Variants in ELL observed in about 807,000 individuals in gnomAD.
ELL encodes the protein RNA polymerase II elongation factor ELL.
Under a neutral mutation model 64.0 loss-of-function variants are expected in ELL, and 18 were observed. The ratio of observed to expected loss-of-function variants is 0.28; its 90% confidence interval spans 0.19 to 0.42. The LOEUF (loss-of-function observed/expected upper bound fraction) is 0.42, where lower values mean the gene tolerates loss of function less well. ELL is among the 10% of genes least tolerant of loss of function. ELL has a pLI of 1.00. For synonymous variants in ELL, 399 were observed against 376.2 expected (o/e 1.06, Z -0.70); for missense variants, 797 against 870.4 (o/e 0.92, Z 1.06).
intron 1 of ELL, among the ~76,000 whole-genome samples, chr19:18,517,546 C>T (rs1254812353): frequency 1.3e-5 from 2 of 151,934 alleles, no homozygotes; most frequent in African/African-American, 2.4e-5. Flanking sequence ...CCACCACGCC[C>T]GGCCATCCCA....
chr19:18,467,547 A>G (rs967631209), intron 2 of ELL, among the ~76,000 whole-genome samples: 6 of 151,920 alleles, frequency 3.9e-5, no homozygotes, highest in Non-Finnish European at 8.8e-5. Context: ...GCCTGCACTC[A>G]GCATCGGAGA....
chr19:18,454,251 G>T (rs552308567), intron 6 of ELL, among the ~76,000 whole-genome samples: 48 of 152,330 alleles, frequency 3.2e-4, no homozygotes, highest in African/African-American at 1.1e-3. Context: ...TGTAATCCCA[G>T]CACTTTGGGA....
At chr19:18,515,910 G>A (rs932347461) in intron 1 of ELL, among the ~76,000 whole-genome samples, 2 of 152,144 alleles carry the variant, frequency 1.3e-5, no homozygotes, top group Non-Finnish European at 2.9e-5. Flanking sequence ...CGTGAAGGGG[G>A]ACCATAAACT....
rs370735358 is a variant in ELL at position 18,462,335 on chromosome 19, C to CTGTGTGTGTGTGTGTGTG, written c.470-501_470-484dup. Among the ~76,000 whole-genome samples the CTGTGTGTGTGTGTGTGTG allele has an allele frequency of 1.7e-4, 11 of 64,994 alleles. 1 individual carries two copies. Among genetic ancestry groups the CTGTGTGTGTGTGTGTGTG allele is most frequent in the African/African-American group, 1.1e-3 (10 of 9,418 alleles). The allele number at this position is 64,994 out of a possible 152,430, so 42.6% of individuals were successfully genotyped here. A position where few individuals can be genotyped will look rare whatever the true frequency, so the allele number is the denominator to read the frequency against. ...GAAATCACCTGATCACTCTAGTGGG[C>CTGTGTGTGTGTGTGTGTG]TGTGTGTGTGTGTGTGTGTGTGTGT... On this transcript the variant is annotated intron_variant, in intron 4 of 11. Coordinates refer to ENST00000262809, the MANE Select transcript of ELL (RefSeq NM_006532.4).
At chr19:18,504,452 G>A (rs1975842879) in intron 1 of ELL, among the ~76,000 whole-genome samples, 1 of 152,140 alleles carries the variant, frequency 6.6e-6, no homozygotes, top group African/African-American at 2.4e-5. Flanking sequence ...AAATTGCCAT[G>A]TACATCTCAT....
In ELL at chr19:18,443,670, G is replaced by T. The variant is rs1004102392; in HGVS notation, c.*1082C>A. On this transcript the variant is annotated 3_prime_UTR_variant, in exon 12 of 12. Coordinates refer to ENST00000262809, the MANE Select transcript of ELL (RefSeq NM_006532.4). ...GCACAGCAACAGAGCAGCAATTGGG[G>T]TGTCTGCAGAGCCTGCACCCCCAGA... The T allele has an allele frequency of 1.3e-5, 3 of 233,240 alleles. No homozygotes were observed. Among genetic ancestry groups the T allele is most frequent in the Non-Finnish European group, 2.5e-5 (3 of 117,992 alleles). 14.4% of individuals were successfully genotyped at this position (233,240 alleles called of 1,614,324 possible).
chr19:18,487,598 G>A (rs867579143), intron 1 of ELL, among the ~76,000 whole-genome samples: 5 of 152,206 alleles, frequency 3.3e-5, no homozygotes, highest in Non-Finnish European at 7.3e-5. Context: ...GGAGGCCCCA[G>A]GCCAGATAAG....
chr19:18,519,714 G>A (rs935259871), intron 1 of ELL, among the ~76,000 whole-genome samples: 1 of 151,928 alleles, frequency 6.6e-6, no homozygotes, highest in African/African-American at 2.4e-5. Context: ...GGCTGAGGCA[G>A]GAGAATCGCT....
intron 2 of ELL, among the ~76,000 whole-genome samples, chr19:18,469,740 C>T (rs1975024008): frequency 6.6e-6 from 1 of 152,256 alleles, no homozygotes; most frequent in Non-Finnish European, 1.5e-5. Flanking sequence ...CTCTGCCCTT[C>T]CCGCTGACCT....
intron 1 of ELL, among the ~76,000 whole-genome samples, chr19:18,490,903 A>G (rs1975516185): frequency 6.6e-6 from 1 of 152,106 alleles, no homozygotes; most frequent in African/African-American, 2.4e-5. Flanking sequence ...CCCCGGTCTC[A>G]CACATGCTCA....
intron 1 of ELL, among the ~76,000 whole-genome samples, chr19:18,489,826 C>A (rs925507730): frequency 6.6e-6 from 1 of 152,104 alleles, no homozygotes; most frequent in Non-Finnish European, 1.5e-5. Context: ...GATTGGGGTG[C>A]GAGGTTGGTC....
chr19:18,465,297 G>A, intron 4 of ELL, 115 bp downstream of exon 4: 2 of 1,394,180 alleles, frequency 1.4e-6, no homozygotes, highest in Non-Finnish European at 1.9e-6. Context: ...CTCCTCGGTT[G>A]ACCCATCATT....
At chr19:18,498,075 C>T (rs1200996527) in intron 1 of ELL, among the ~76,000 whole-genome samples, 6 of 151,524 alleles carry the variant, frequency 4.0e-5, no homozygotes, top group Non-Finnish European at 5.9e-5. Flanking sequence ...TTGGATGAGC[C>T]GAGATTGCAC....
In ELL at chr19:18,461,687, A is replaced by G; in HGVS notation, c.635T>C (p.Leu212Pro). 6.2e-7 allele frequency: 1 copy of G among 1,613,520 alleles called. No individual in the cohort carries two copies. The highest frequency in any genetic ancestry group is 1.3e-5 in the African/African-American group (1 of 75,076). The change falls in exon 5 of 12, where the codon CTG (leucine) becomes CCG (proline). Residue 212 changes from leucine to proline, a missense_variant. Leu to Pro is a moderately conservative substitution (Grantham distance 98, BLOSUM62 -3). Coordinates refer to ENST00000262809, the MANE Select transcript of ELL (RefSeq NM_006532.4). ...GTAGGGCCGTAGTGCCAGGAGGTGC[A>G]GCACTCGGTCACGGAAGGGCCTCTG... ...VSQRPFRDRV[L>P]HLLALRPYRK...
At chr19:18,453,131 G>T (rs188023130) in intron 6 of ELL, among the ~76,000 whole-genome samples, 1 of 152,098 alleles carries the variant, frequency 6.6e-6, no homozygotes, top group Non-Finnish European at 1.5e-5. Flanking sequence ...AAAATTAGCC[G>T]GGCATGGTGG....
chr19:18,510,408 C>T (rs988063823), intron 1 of ELL, among the ~76,000 whole-genome samples: 10 of 152,196 alleles, frequency 6.6e-5, no homozygotes, highest in African/African-American at 2.4e-4. Context: ...CAACACAGGC[C>T]GGGCAACCGC....
At chr19:18,475,709 T>A (rs10425982) in intron 1 of ELL, 70,890 of 151,994 alleles carry the variant, frequency 0.47, 19,115 homozygotes, top group African/African-American at 0.76. Context: ...AATCCCCAGG[T>A]AAGGCAAAAC....
chr19:18,514,035 T>C (rs1292927888), intron 1 of ELL, among the ~76,000 whole-genome samples: 1 of 152,160 alleles, frequency 6.6e-6, no homozygotes, highest in African/African-American at 2.4e-5. Flanking sequence ...CTGGCCTGGC[T>C]GCCTCAGTCA....
chr19:18,470,803 G>C (rs1393845372), intron 2 of ELL, among the ~76,000 whole-genome samples: 1 of 152,202 alleles, frequency 6.6e-6, no homozygotes, highest in Non-Finnish European at 1.5e-5. Context: ...AAGAAACTCT[G>C]CCTGAGGACT....
Sources: allele counts gnomAD v4.1 joint callset (sites outside exome capture counted in the v4.1 genomes callset), GRCh38; gene constraint gnomAD v4.1.1; transcripts MANE v1.5; gene names NCBI Gene and HGNC (gene_info 2026-07-23, HGNC 2026-07-21).